Variants in ZFAND3 observed in about 807,000 individuals in gnomAD.
ZFAND3 encodes the protein AN1-type zinc finger protein 3.
ZFAND3 carries 10 observed loss-of-function variants against 29.6 expected under a neutral mutation model. The ratio of observed to expected loss-of-function variants is 0.34; its 90% CI spans 0.21 to 0.57. The LOEUF is 0.57. Ranked by LOEUF, ZFAND3 falls within the 20% of genes least tolerant of loss-of-function variation. The pLI is 0.86. For missense variants in ZFAND3, 230 were observed against 304.5 expected, an observed-to-expected ratio of 0.76 and a Z score of 1.82; for synonymous variants, 128 against 112.6, an observed-to-expected ratio of 1.14 and a Z score of -0.87.
intron 1 of ZFAND3, among the ~76,000 whole-genome samples, chr6:37,923,492 C>T (rs1761422271): frequency 1.3e-5 from 2 of 152,158 alleles, no homozygotes; most frequent in Admixed American, 6.6e-5. Flanking sequence ...GGCTGCTTTA[C>T]AGTTAACAAC....
At position 37,965,902 on chromosome 6, in the gene ZFAND3, A is replaced by G. The variant is rs952113406; in HGVS notation, c.112+35903A>G. 3.3e-5 allele frequency among the ~76,000 whole-genome samples: 5 copies of G among 152,202 alleles called. No homozygotes were observed. The East Asian group carries it at 5.8e-4, about 18-fold the overall frequency. ...CTCAGCCTCCTGAGTAGCTGGGACTATAGGCATGTGCTACCATGCCTGGTT... is the reference window on the plus strand; with the variant it reads ...CTCAGCCTCCTGAGTAGCTGGGACTGTAGGCATGTGCTACCATGCCTGGTT... On this transcript the variant is annotated intron_variant, in intron 2 of 5. Transcript: ENST00000287218.
At chr6:37,982,089 A>G (rs952863668) in intron 2 of ZFAND3, among the ~76,000 whole-genome samples, 7 of 152,168 alleles carry the variant, frequency 4.6e-5, no homozygotes, top group African/African-American at 1.7e-4. Context: ...GGGCAAAGGA[A>G]GCAATCAGAT....
chr6:38,147,399 AC>A (rs1766132521), intron 5 of ZFAND3, among the ~76,000 whole-genome samples: 1 of 152,236 alleles, frequency 6.6e-6, no homozygotes, highest in Admixed American at 6.5e-5. Context: ...CTTGATGGAC[AC>A]TGAGGTTGAT....
chr6:38,081,661 A>G (rs527241678), intron 3 of ZFAND3, among the ~76,000 whole-genome samples: 2 of 152,082 alleles, frequency 1.3e-5, no homozygotes, highest in South Asian at 2.1e-4. Flanking sequence ...GGTATGTATC[A>G]ATATCAACCT....
At chr6:38,001,945 T>A (rs1262897227) in intron 2 of ZFAND3, among the ~76,000 whole-genome samples, 1 of 152,184 alleles carries the variant, frequency 6.6e-6, no homozygotes, top group Non-Finnish European at 1.5e-5. Context: ...ATATATTAGG[T>A]GAATACAGAG....
At chr6:38,039,050 A>G (rs937023302) in intron 2 of ZFAND3, among the ~76,000 whole-genome samples, 33 of 152,194 alleles carry the variant, frequency 2.2e-4, no homozygotes, top group African/African-American at 6.3e-4. Flanking sequence ...GAATCACCAT[A>G]CTATACTGTT....
chr6:37,893,797 A>G (rs1581740510), intron 1 of ZFAND3, among the ~76,000 whole-genome samples: 1 of 151,944 alleles, frequency 6.6e-6, no homozygotes, highest in African/African-American at 2.4e-5. Flanking sequence ...CAGGTGATCC[A>G]CCTGCCTTGG....
intron 1 of ZFAND3, 94 bp from the exon 2 acceptor site, chr6:37,929,865 G>A: frequency 1.6e-6 from 2 of 1,278,418 alleles, no homozygotes; most frequent in South Asian, 1.7e-5. Flanking sequence ...TGACCAGAAA[G>A]TTCTTTGCCT....
chr6:37,967,791 A>G (rs561337653), intron 2 of ZFAND3, among the ~76,000 whole-genome samples: 1 of 151,826 alleles, frequency 6.6e-6, no homozygotes, highest in East Asian at 1.9e-4. Flanking sequence ...CTTTGACACT[A>G]TTTTCTCCCC....
At chr6:37,953,857 C>G (rs916529558) in intron 2 of ZFAND3, among the ~76,000 whole-genome samples, 2 of 152,084 alleles carry the variant, frequency 1.3e-5, no homozygotes, top group Admixed American at 1.3e-4. Context: ...CTAGATTTCT[C>G]TCTGGTATCA....
At chr6:38,073,585 A>G (rs1349408903) in intron 3 of ZFAND3, among the ~76,000 whole-genome samples, 4 of 152,210 alleles carry the variant, frequency 2.6e-5, no homozygotes, top group Admixed American at 2.0e-4. Flanking sequence ...ATTAGTACTG[A>G]TTTTATTAGC....
intron 1 of ZFAND3, among the ~76,000 whole-genome samples, chr6:37,869,754 T>C (rs1764658539): frequency 6.6e-6 from 1 of 151,864 alleles, no homozygotes. Context: ...CTCTAGTGAT[T>C]CTCCTGCCTT....
intron 1 of ZFAND3, among the ~76,000 whole-genome samples, chr6:37,847,704 A>G (rs1273283411): frequency 6.6e-6 from 1 of 151,702 alleles, no homozygotes; most frequent in Non-Finnish European, 1.5e-5. Flanking sequence ...GTTACATGTA[A>G]AGGATGCCTT....
At chr6:38,042,059 A>G (rs1763800381) in intron 2 of ZFAND3, among the ~76,000 whole-genome samples, 1 of 150,122 alleles carries the variant, frequency 6.7e-6, no homozygotes, top group Non-Finnish European at 1.5e-5. Flanking sequence ...TCTGGTCTTG[A>G]ACTCCTGGCT....
intron 2 of ZFAND3, among the ~76,000 whole-genome samples, chr6:37,967,614 T>C (rs1406579417): frequency 6.6e-6 from 1 of 152,248 alleles, no homozygotes; most frequent in East Asian, 1.9e-4. Context: ...TATTGAAAAT[T>C]GTGAATTAAT....
intron 4 of ZFAND3, among the ~76,000 whole-genome samples, chr6:38,094,446 G>A (rs1581912195): frequency 6.6e-6 from 1 of 152,236 alleles, no homozygotes. Flanking sequence ...AGAAAAGAAA[G>A]TAATAACTTG....
At chr6:37,854,022 G>C (rs928995663) in intron 1 of ZFAND3, among the ~76,000 whole-genome samples, 2 of 151,992 alleles carry the variant, frequency 1.3e-5, no homozygotes, top group Non-Finnish European at 1.5e-5. Flanking sequence ...TGCTATCTTG[G>C]CTCATTGCAA....
At chr6:38,055,061 G>C (rs1169592188) in intron 2 of ZFAND3, among the ~76,000 whole-genome samples, 2 of 152,150 alleles carry the variant, frequency 1.3e-5, no homozygotes, top group Non-Finnish European at 2.9e-5. Context: ...AGGGGATGGT[G>C]AGCAGAACCC....
chr6:38,110,405 A>C (rs928011351), intron 4 of ZFAND3, among the ~76,000 whole-genome samples: 1 of 152,218 alleles, frequency 6.6e-6, no homozygotes, highest in East Asian at 1.9e-4. Flanking sequence ...TATACCCCGA[A>C]AGCAAAGCAT....
Sources: gnomAD v4.1 joint callset for allele counts (sites outside exome capture counted in the v4.1 genomes callset) on GRCh38, gnomAD v4.1.1 for gene constraint, MANE v1.5 for transcripts, NCBI Gene and HGNC (gene_info 2026-07-23, HGNC 2026-07-21) for gene names.